Variants in KIAA1217 observed in about 807,000 individuals in gnomAD.
KIAA1217 encodes the protein KIAA1217, also known as sickle tail protein homolog.
KIAA1217 carries 88 observed loss-of-function variants against 163.9 expected under a neutral mutation model. That is an observed-to-expected ratio of 0.54 (90% CI 0.45 to 0.64). The LOEUF is 0.64. Ranked by LOEUF, KIAA1217 falls within the 30% of genes least tolerant of loss-of-function variation. The pLI, the probability that KIAA1217 is intolerant of heterozygous loss-of-function variation, is 0.00. For synonymous variants in KIAA1217, 903 were observed against 923.1 expected (o/e 0.98, Z 0.39); for missense variants, 2,372 against 2,475.0 (o/e 0.96, Z 0.88).
chr10:24,008,080 C>A (rs1338815687), intron 2 of KIAA1217, among the ~76,000 whole-genome samples: 1 of 152,054 alleles, frequency 6.6e-6, no homozygotes, highest in African/African-American at 2.4e-5. Flanking sequence ...TCTCCCATTA[C>A]AAAGTTTTCA....
chr10:23,850,095 G>T (rs1219451319), intron 1 of KIAA1217, among the ~76,000 whole-genome samples: 1 of 151,930 alleles, frequency 6.6e-6, no homozygotes, highest in Non-Finnish European at 1.5e-5. Flanking sequence ...CCTTTACAAC[G>T]AATGCCTGAG....
At chr10:24,263,591 G>T (rs190967183) in intron 2 of KIAA1217, among the ~76,000 whole-genome samples, 8 of 152,126 alleles carry the variant, frequency 5.3e-5, no homozygotes, top group African/African-American at 1.9e-4. Context: ...GCAGCCAAAG[G>T]TATATTATCT....
chr10:23,908,862 T>C (rs1337159131), intron 1 of KIAA1217, among the ~76,000 whole-genome samples: 2 of 152,124 alleles, frequency 1.3e-5, no homozygotes, highest in Non-Finnish European at 2.9e-5. Flanking sequence ...AGAACTACCA[T>C]TTGATCCAGC....
At chr10:24,261,649 A>G (rs1035019926) in intron 2 of KIAA1217, among the ~76,000 whole-genome samples, 3 of 152,140 alleles carry the variant, frequency 2.0e-5, no homozygotes, top group African/African-American at 7.2e-5. Context: ...TGGTTTAGAC[A>G]GTGGAACCCT....
intron 5 of KIAA1217, among the ~76,000 whole-genome samples, chr10:24,442,429 T>A (rs1478031891): frequency 6.6e-6 from 1 of 152,226 alleles, no homozygotes; most frequent in Non-Finnish European, 1.5e-5. Flanking sequence ...CTTGTTTGAC[T>A]ATTACATCAG....
intron 1 of KIAA1217, among the ~76,000 whole-genome samples, chr10:23,994,300 G>A (rs1846366007): frequency 6.6e-6 from 1 of 152,288 alleles, no homozygotes; most frequent in South Asian, 2.1e-4. Flanking sequence ...ATATGTGGGA[G>A]TTTGAGGGAT....
At chr10:23,790,463 A>G (rs1478586773) in intron 1 of KIAA1217, among the ~76,000 whole-genome samples, 1 of 115,100 alleles carries the variant, frequency 8.7e-6, no homozygotes, top group African/African-American at 3.8e-5. Flanking sequence ...ATGTGCATAT[A>G]TACATATATA....
At chr10:24,255,246 T>C (rs796457537) in intron 2 of KIAA1217, 14 of 262,878 alleles carry the variant, frequency 5.3e-5, no homozygotes, top group African/African-American at 3.2e-4. Flanking sequence ...TCATTGTTAG[T>C]GTCCACATCC....
At chr10:24,326,338 T>G (rs1396260639) in intron 2 of KIAA1217, among the ~76,000 whole-genome samples, 2 of 152,300 alleles carry the variant, frequency 1.3e-5, no homozygotes, top group South Asian at 2.1e-4. Context: ...AACTTCCATT[T>G]GCTTCCTTGT....
intron 1 of KIAA1217, among the ~76,000 whole-genome samples, chr10:23,981,269 A>G (rs752795343): frequency 8.5e-5 from 13 of 152,228 alleles, no homozygotes; most frequent in Non-Finnish European, 1.8e-4. Flanking sequence ...TACTTTAGAT[A>G]AATCTTCATT....
rs1189228472 is a variant in KIAA1217 at position 23,937,262 on chromosome 10, C to T, written c.-320-69963C>T. 3.9e-5 allele frequency among the ~76,000 whole-genome samples: 6 copies of T among 152,110 alleles called. No homozygotes were observed. In the East Asian group the frequency reaches 5.8e-4, roughly 15 times the overall value. On this transcript the variant is annotated intron_variant, in intron 1 of 18. Transcript: ENST00000376462. ...GAGCTTTTTAGGAGTGAGGGAGGAG[C>T]GCACCTACTATGACTGAAAAATGGT...
At chr10:24,446,081 C>T (rs542137589) in intron 5 of KIAA1217, among the ~76,000 whole-genome samples, 59 of 152,236 alleles carry the variant, frequency 3.9e-4, no homozygotes, top group South Asian at 1.2e-3. Context: ...TTCTAACTGG[C>T]GTGAGATGGT....
At chr10:24,372,991 G>A (rs2051899760) in intron 2 of KIAA1217, among the ~76,000 whole-genome samples, 1 of 152,160 alleles carries the variant, frequency 6.6e-6, no homozygotes, top group Non-Finnish European at 1.5e-5. Context: ...ATCATATTAA[G>A]GGGAAGCATT....
intron 1 of KIAA1217, among the ~76,000 whole-genome samples, chr10:23,943,995 A>G (rs1843901825): frequency 6.6e-6 from 1 of 152,242 alleles, no homozygotes; most frequent in African/African-American, 2.4e-5. Flanking sequence ...ATATAGGTCA[A>G]TCTCCTTACT....
intron 1 of KIAA1217, among the ~76,000 whole-genome samples, chr10:24,001,275 GTCTGTC>G (rs1846732651): frequency 1.3e-5 from 2 of 152,116 alleles, no homozygotes; most frequent in Non-Finnish European, 2.9e-5. Flanking sequence ...ATATGCAAAT[GTCTGTC>G]ACAGAGCAGC....
chr10:24,191,648 T>C (rs770256130), intron 2 of KIAA1217, among the ~76,000 whole-genome samples: 1 of 152,176 alleles, frequency 6.6e-6, no homozygotes, highest in Non-Finnish European at 1.5e-5. Flanking sequence ...CAGAATAGGA[T>C]CAAGCCTGGA....
chr10:24,287,747 C>G (rs79575702), intron 2 of KIAA1217, among the ~76,000 whole-genome samples: 3 of 152,106 alleles, frequency 2.0e-5, no homozygotes, highest in Non-Finnish European at 4.4e-5. Flanking sequence ...GACATCTGAC[C>G]TCTGCTGTCT....
intron 2 of KIAA1217, among the ~76,000 whole-genome samples, chr10:24,067,242 T>C (rs572654427): frequency 1.4e-4 from 22 of 152,336 alleles, no homozygotes; most frequent in African/African-American, 5.3e-4. Context: ...TTTCCCGTTT[T>C]TCTGCTCTGT....
chr10:23,751,340 A>G (rs965007792), intron 1 of KIAA1217, among the ~76,000 whole-genome samples: 3 of 152,112 alleles, frequency 2.0e-5, no homozygotes, highest in Non-Finnish European at 4.4e-5. Context: ...AATTTTCTAC[A>G]ATACCATGTG....
Sources: allele counts gnomAD v4.1 joint callset (sites outside exome capture counted in the v4.1 genomes callset), GRCh38; gene constraint gnomAD v4.1.1; transcripts MANE v1.5; gene names NCBI Gene and HGNC (gene_info 2026-07-23, HGNC 2026-07-21).